The following SLIT3 variants were observed in gnomAD, a reference collection of about 807,000 sequenced individuals.
SLIT3 encodes the protein slit guidance ligand 3.
Under a neutral mutation model 184.0 loss-of-function variants are expected in SLIT3, and 68 were observed. That is an observed-to-expected ratio of 0.37 (90% CI 0.30 to 0.45). The LOEUF (loss-of-function observed/expected upper bound fraction) is 0.45. SLIT3 is among the 20% of genes least tolerant of loss of function. The probability of loss-of-function intolerance (pLI) is 1.00; values close to 1 mark genes in which losing one functional copy is unlikely to be tolerated. For missense variants in SLIT3, 1,707 were observed against 2,026.0 expected (o/e 0.84, Z 3.02); for synonymous variants, 831 against 828.6 (o/e 1.00, Z -0.05).
At chr5:168,907,916 ATATC>A (rs1476355771) in intron 4 of SLIT3, among the ~76,000 whole-genome samples, 6 of 125,326 alleles carry the variant, frequency 4.8e-5, no homozygotes, top group Admixed American at 8.5e-5. Context: ...AGATCTATCT[ATATC>A]TATTTTATAT....
chr5:169,159,520 AAT>A (rs752073717), intron 4 of SLIT3, among the ~76,000 whole-genome samples: 7,045 of 152,234 alleles, frequency 0.046, 217 homozygotes, highest in East Asian at 0.096. Flanking sequence ...TCACGCCTGT[AAT>A]CCCAGCACTT....
At chr5:169,182,611 T>C (rs972689039) in intron 4 of SLIT3, among the ~76,000 whole-genome samples, 3 of 152,360 alleles carry the variant, frequency 2.0e-5, no homozygotes, top group African/African-American at 7.2e-5. Flanking sequence ...AATTAGGCTC[T>C]TTAGAAATGT....
chr5:168,773,178 G>A (rs973746296), intron 13 of SLIT3, among the ~76,000 whole-genome samples: 2 of 152,050 alleles, frequency 1.3e-5, no homozygotes, highest in African/African-American at 4.8e-5. Context: ...CTGGGGAATC[G>A]GTCTCCCAGC....
At chr5:168,739,090 G>A (rs1314786434) in intron 20 of SLIT3, among the ~76,000 whole-genome samples, 3 of 152,254 alleles carry the variant, frequency 2.0e-5, no homozygotes, top group South Asian at 2.1e-4. Flanking sequence ...TGAGATCAGC[G>A]GTGATATCAA....
chr5:168,793,493 T>A (rs1439403884), intron 10 of SLIT3, among the ~76,000 whole-genome samples: 2 of 151,938 alleles, frequency 1.3e-5, no homozygotes, highest in Non-Finnish European at 2.9e-5. Context: ...TGCCATCCTC[T>A]TGGGGGAAAA....
At chr5:169,043,608 A>G (rs545468038) in intron 4 of SLIT3, among the ~76,000 whole-genome samples, 1 of 152,330 alleles carries the variant, frequency 6.6e-6, no homozygotes, top group South Asian at 2.1e-4. Flanking sequence ...GGGATCACGA[A>G]TTTTTGAGTA....
At chr5:168,882,713 T>TA (rs985996486) in intron 5 of SLIT3, among the ~76,000 whole-genome samples, 119 of 151,688 alleles carry the variant, frequency 7.8e-4, no homozygotes, top group Non-Finnish European at 1.2e-3. Context: ...ATAAAAAGTT[T>TA]AAAAAAAAAT....
At chr5:168,781,421 A>G (rs1755965515) in intron 12 of SLIT3, among the ~76,000 whole-genome samples, 3 of 152,140 alleles carry the variant, frequency 2.0e-5, no homozygotes, top group Non-Finnish European at 4.4e-5. Flanking sequence ...CTAGCATGGA[A>G]TGATTCCAGA....
chr5:168,700,494 T>C, intron 27 of SLIT3, 88 bp downstream of exon 27: 1 of 946,954 alleles, frequency 1.1e-6, no homozygotes. Context: ...ACTTCTTTCC[T>C]TTATAAATTA....
intron 4 of SLIT3, among the ~76,000 whole-genome samples, chr5:168,966,333 A>AT (rs79367819): frequency 0.044 from 6,408 of 144,476 alleles, 164 homozygotes; most frequent in Middle Eastern, 0.074. Flanking sequence ...GGTTCGCTGG[A>AT]TTTTTTTTTT....
intron 5 of SLIT3, among the ~76,000 whole-genome samples, chr5:168,878,717 CTTTTT>C (rs35132944): frequency 7.1e-6 from 1 of 140,752 alleles, no homozygotes; most frequent in African/African-American, 2.6e-5. Context: ...CAGTTTCTTC[CTTTTT>C]TTTTTTTTTT....
chr5:168,961,414 G>A (rs1046377867), intron 4 of SLIT3, among the ~76,000 whole-genome samples: 6 of 152,180 alleles, frequency 3.9e-5, no homozygotes, highest in Non-Finnish European at 8.8e-5. Flanking sequence ...GCTGTTTCTT[G>A]CACCAAGACT....
chr5:169,182,015 A>G (rs1763174935), intron 4 of SLIT3, among the ~76,000 whole-genome samples: 1 of 152,174 alleles, frequency 6.6e-6, no homozygotes, highest in Non-Finnish European at 1.5e-5. Flanking sequence ...CCAGAGCCCC[A>G]GACACGCCAA....
intron 4 of SLIT3, among the ~76,000 whole-genome samples, chr5:168,926,408 G>A (rs891958): frequency 0.12 from 18,744 of 152,186 alleles, 1,305 homozygotes; most frequent in Non-Finnish European, 0.16. Context: ...AGTTTTTCGG[G>A]AGTGAGTAGA....
chr5:169,133,397 G>T (rs1479934220), intron 4 of SLIT3, among the ~76,000 whole-genome samples: 1 of 152,212 alleles, frequency 6.6e-6, no homozygotes, highest in Non-Finnish European at 1.5e-5. Context: ...GAGCCTGCTG[G>T]TCTACAGCCC....
Position 169,088,398 on chromosome 5 carries a change from T to A in SLIT3, c.413+105081A>T, listed in dbSNP as rs1300987431. ...CCCTGTCAAAGTTCTTTTTCTTCGA[T>A]TTTTTTTTTTTTTTTTGCCACAACA... is the stretch of plus-strand genomic sequence containing the variant. On this transcript the variant is annotated intron_variant, in intron 4 of 35. Coordinates refer to ENST00000519560, the MANE Select transcript of SLIT3 (RefSeq NM_003062.4). Among the ~76,000 whole-genome samples the A allele has an allele frequency of 2.5e-4, 27 of 108,884 alleles. 1 individual carries two copies. Among genetic ancestry groups the A allele is most frequent in the African/African-American group, 1.0e-3 (26 of 25,138 alleles). 71.4% of individuals were successfully genotyped at this position (108,884 alleles called of 152,430 possible). A position where few individuals can be genotyped will look rare whatever the true frequency, so the allele number is the denominator to read the frequency against.
At chr5:168,907,365 G>T (rs1010230202) in intron 4 of SLIT3, among the ~76,000 whole-genome samples, 1 of 152,112 alleles carries the variant, frequency 6.6e-6, no homozygotes, top group Non-Finnish European at 1.5e-5. Context: ...CCTCTTCCAC[G>T]TTGCTGGTTG....
At chr5:169,252,684 T>A (rs1416945440) in intron 1 of SLIT3, among the ~76,000 whole-genome samples, 6 of 152,286 alleles carry the variant, frequency 3.9e-5, no homozygotes, top group Admixed American at 1.3e-4. Context: ...TGTCTTTTCT[T>A]TCTGAACATT....
chr5:168,745,691 C>T (rs7444557), intron 20 of SLIT3, among the ~76,000 whole-genome samples: 25,295 of 152,196 alleles, frequency 0.17, 2,448 homozygotes, highest in Admixed American at 0.31. Context: ...GGATTACAGG[C>T]GTGAGCCACG....
Sources: gnomAD v4.1 joint callset for allele counts (sites outside exome capture counted in the v4.1 genomes callset) on GRCh38, gnomAD v4.1.1 for gene constraint, MANE v1.5 for transcripts, NCBI Gene and HGNC (gene_info 2026-07-23, HGNC 2026-07-21) for gene names.